Variants in SETD5 observed in about 807,000 individuals in gnomAD.
The protein encoded by SETD5 is SET domain containing 5.
In SETD5, 44 loss-of-function variants were observed where a neutral mutation model predicts 153.3. That is an observed-to-expected ratio of 0.29 (90% CI 0.23 to 0.37). The LOEUF is 0.37. Ranked by LOEUF, SETD5 falls within the 10% of genes least tolerant of loss-of-function variation. The pLI is 1.00. For missense variants in SETD5, 1,544 were observed against 1,768.0 expected (o/e 0.87, Z 2.27); for synonymous variants, 716 against 645.2 (o/e 1.11, Z -1.66).
At chr3:9,404,269 G>A (rs1016751281) in intron 1 of SETD5, among the ~76,000 whole-genome samples, 5 of 152,064 alleles carry the variant, frequency 3.3e-5, no homozygotes, top group East Asian at 1.9e-4. Flanking sequence ...ACTGCCTTTC[G>A]TACACGTAAT....
At chr3:9,466,113 C>T (rs1246615520) in intron 18 of SETD5, among the ~76,000 whole-genome samples, 3 of 151,828 alleles carry the variant, frequency 2.0e-5, no homozygotes, top group Non-Finnish European at 4.4e-5. Context: ...GTGGTGAAAC[C>T]CCGTCTCTAC....
At chr3:9,408,182 G>T (rs1282143792) in intron 1 of SETD5, among the ~76,000 whole-genome samples, 2 of 152,134 alleles carry the variant, frequency 1.3e-5, no homozygotes, top group Non-Finnish European at 2.9e-5. Flanking sequence ...GAGACTTTTA[G>T]TCGCTACCTA....
chr3:9,463,781 C>G (rs2044247899), intron 17 of SETD5, among the ~76,000 whole-genome samples: 1 of 152,180 alleles, frequency 6.6e-6, no homozygotes. Context: ...GGTGATATAG[C>G]AGTTTAGTAG....
intron 14 of SETD5, 139 bp downstream of exon 14, chr3:9,447,446 A>G: frequency 7.8e-7 from 1 of 1,282,620 alleles, no homozygotes; most frequent in Non-Finnish European, 1.1e-6. Flanking sequence ...GTTTAACTGG[A>G]ACCATTTCAT....
At position 9,434,133 on chromosome 3, in the gene SETD5, C is replaced by T; in HGVS notation, c.177+183C>T. The T allele has an allele frequency of 6.5e-7, 1 of 1,548,654 alleles. No individual in the cohort carries two copies. The highest frequency in any genetic ancestry group is 8.7e-7 in the Non-Finnish European group (1 of 1,148,096). The stretch of plus-strand genomic sequence containing the variant: ...TTCTTGTTTTTATGTCCCAGTTGAC[C>T]TTGGCATTTTGTTTTATCACTTTCC... On this transcript the variant is annotated intron_variant, in intron 4 of 22. Transcript: ENST00000402198. The surrounding 1 kb of genome is among the most constrained non-coding windows in gnomAD (Gnocchi z 5.6).
chr3:9,422,940 C>G (rs1023723772), intron 1 of SETD5, among the ~76,000 whole-genome samples: 8 of 152,212 alleles, frequency 5.3e-5, no homozygotes, highest in African/African-American at 1.9e-4. Flanking sequence ...GGCCTGTTCT[C>G]TTTCTGAAGC....
intron 17 of SETD5, among the ~76,000 whole-genome samples, chr3:9,457,419 G>A (rs1361125206): frequency 1.3e-5 from 2 of 151,830 alleles, no homozygotes; most frequent in African/African-American, 2.4e-5. Flanking sequence ...CCCAGGAGGC[G>A]GAGGTTGCAG....
chr3:9,473,819 C>T (rs1299881580), intron 20 of SETD5, among the ~76,000 whole-genome samples: 1 of 152,230 alleles, frequency 6.6e-6, no homozygotes, highest in Non-Finnish European at 1.5e-5. Context: ...GGCACTAACA[C>T]TGCCTTTCCT....
intron 1 of SETD5, among the ~76,000 whole-genome samples, chr3:9,400,184 A>G (rs1426988825): frequency 2.6e-5 from 4 of 152,222 alleles, no homozygotes; most frequent in African/African-American, 9.6e-5. Context: ...GGATATTGGC[A>G]TCTGGAAACT....
At chr3:9,455,080 ACTTTT>A (rs763328557) in intron 17 of SETD5, among the ~76,000 whole-genome samples, 2 of 151,690 alleles carry the variant, frequency 1.3e-5, no homozygotes, top group Admixed American at 6.6e-5. Flanking sequence ...TAAAATCAGA[ACTTTT>A]CTTAAAGTTC....
At chr3:9,469,065 T>G (rs2044988022) in intron 18 of SETD5, among the ~76,000 whole-genome samples, 1 of 152,162 alleles carries the variant, frequency 6.6e-6, no homozygotes, top group Non-Finnish European at 1.5e-5. Flanking sequence ...GTTGATAGAT[T>G]GAGCAGCTTC....
At chr3:9,408,641 A>G (rs2036091914) in intron 1 of SETD5, among the ~76,000 whole-genome samples, 1 of 152,166 alleles carries the variant, frequency 6.6e-6, no homozygotes, top group Non-Finnish European at 1.5e-5. Flanking sequence ...TTTCATGTAA[A>G]TTACTGCTTA....
At chr3:9,421,810 T>G (rs1481945329) in intron 1 of SETD5, among the ~76,000 whole-genome samples, 1 of 152,226 alleles carries the variant, frequency 6.6e-6, no homozygotes, top group Admixed American at 6.5e-5. Flanking sequence ...TTTTTAGTGC[T>G]TCAGAGCTAT....
At chr3:9,442,380 A>C in intron 10 of SETD5, 135 bp downstream of exon 10, 1 of 676,786 alleles carries the variant, frequency 1.5e-6, no homozygotes, top group Non-Finnish European at 2.6e-6. Context: ...GAGGTGAAAA[A>C]CAAAAGTAAT....
At position 9,470,690 on chromosome 3, in the gene SETD5, G is replaced by A; in HGVS notation, c.2956G>A (p.Ala986Thr). 1 of 1,614,030 alleles carries A rather than the reference G, an allele frequency of 6.2e-7. No homozygotes were observed. ...TCGGACAGAGTTCAACTTGATGTAT[G>A]CCTACTCCCCTTTGAATGCTATGCC... is the stretch of plus-strand genomic sequence containing the variant. Reference protein sequence around the residue: ...AFRTEFNLMYAYSPLNAMPRA... With the variant: ...AFRTEFNLMYTYSPLNAMPRA... Residue 986 changes from alanine (A) to threonine (T), a missense_variant, in exon 19 of 23, where the codon GCC (alanine) becomes ACC (threonine). Physicochemically the swap from Ala to Thr is moderately conservative, Grantham distance 58 (BLOSUM62 0). Coordinates refer to ENST00000402198, the MANE Select transcript of SETD5 (RefSeq NM_001080517.3).
At chr3:9,471,842 CA>C (rs1225131229) in intron 19 of SETD5, among the ~76,000 whole-genome samples, 1 of 152,234 alleles carries the variant, frequency 6.6e-6, no homozygotes, top group Non-Finnish European at 1.5e-5. Context: ...AATGGCCAAA[CA>C]TCTGTAGTAT....
chr3:9,436,937 G>C, intron 7 of SETD5: 1 of 1,518,988 alleles, frequency 6.6e-7, no homozygotes, highest in Non-Finnish European at 8.9e-7. Context: ...CTGTGATCTT[G>C]CATTTTGGTC....
rs527565110 is a variant in SETD5, at chr3:9,433,484, G to A, written c.72-361G>A. ...ATGTGAGGTTTCATGGAAGTATTAA[G>A]AGATCCAATTAAGAAGAATAGTTCT... On this transcript the variant is annotated intron_variant, in intron 3 of 22. Coordinates refer to ENST00000402198, the MANE Select transcript of SETD5 (RefSeq NM_001080517.3). The A allele has an allele frequency of 3.7e-4, 483 of 1,290,638 alleles. 7 individuals carry two copies. The highest frequency in any genetic ancestry group is 3.2e-3 in the Middle Eastern group (15 of 4,692). 79.9% of individuals were successfully genotyped at this position (1,290,638 alleles called of 1,614,324 possible).
intron 20 of SETD5, among the ~76,000 whole-genome samples, 178 bp downstream of exon 20, chr3:9,473,715 C>T (rs751740280): frequency 2.6e-5 from 4 of 152,194 alleles, no homozygotes; most frequent in Non-Finnish European, 4.4e-5. Context: ...TGCAACCCCC[C>T]AGCTTTGCAG....
Sources: allele counts gnomAD v4.1 joint callset (sites outside exome capture counted in the v4.1 genomes callset), GRCh38; gene constraint gnomAD v4.1.1; non-coding constraint Gnocchi (gnomAD v3.1); transcripts MANE v1.5; gene names NCBI Gene and HGNC (gene_info 2026-07-23, HGNC 2026-07-21).